Variants in NDUFA5 observed in about 807,000 individuals in gnomAD.
NDUFA5 encodes NADH dehydrogenase [ubiquinone] 1 alpha subcomplex subunit 5.
NDUFA5 carries 11 observed loss-of-function variants against 19.8 expected under a neutral mutation model. The observed-to-expected ratio is 0.56, with a 90% CI of 0.35 to 0.92. The LOEUF (loss-of-function observed/expected upper bound fraction) is 0.92, where lower values mean the gene tolerates loss of function less well. Among genes scored for constraint, NDUFA5 ranks in the 40% least tolerant of loss-of-function variants. The pLI is 0.01. For missense variants in NDUFA5, 109 were observed against 134.2 expected (o/e 0.81, Z 0.93); for synonymous variants, 47 against 46.8 (o/e 1.00, Z -0.01).
chr7:123,573,166 AAT>A, the NDUFA5 span, among the ~76,000 whole-genome samples: 1 of 152,058 alleles, frequency 6.6e-6, no homozygotes, highest in Non-Finnish European at 1.5e-5. Context: ...TTTATGTAAA[AAT>A]AGAGATTTTT....
chr7:123,537,719 G>A lies in NDUFA5; in HGVS notation c.*4400C>T, dbSNP rs1386306668. ...GAGTTATGAAAAAACTTTGTTTTCA[G>A]AGATTTTTGAAATTAGGAATTTAGA... On this transcript the variant is annotated 3_prime_UTR_variant, in exon 5 of 5. Transcript: ENST00000355749. 1 of 151,982 alleles carries A rather than the reference G, an allele frequency of 6.6e-6. No individual in the cohort carries two copies. The highest frequency in any genetic ancestry group is 6.6e-5 in the Admixed American group (1 of 15,260). 9.4% of individuals were successfully genotyped at this position (151,982 alleles called of 1,614,324 possible).
chr7:123,562,193 A>G (rs1798698270), upstream of NDUFA5, among the ~76,000 whole-genome samples: 1 of 152,008 alleles, frequency 6.6e-6, no homozygotes, highest in African/African-American at 2.4e-5. Context: ...TTTGAAAGAA[A>G]TCTTCTTTTT....
the NDUFA5 span, among the ~76,000 whole-genome samples, chr7:123,598,261 T>A: frequency 1.3e-5 from 2 of 152,148 alleles, no homozygotes; most frequent in Non-Finnish European, 2.9e-5. Flanking sequence ...TTCAAAGAAC[T>A]TTCATAATTA....
the NDUFA5 span, among the ~76,000 whole-genome samples, chr7:123,588,349 T>A: frequency 6.6e-6 from 1 of 151,716 alleles, no homozygotes; most frequent in African/African-American, 2.4e-5. Context: ...TAATCTTTTG[T>A]ATTTCTGTAT....
the NDUFA5 span, among the ~76,000 whole-genome samples, chr7:123,593,217 T>C: frequency 6.6e-6 from 1 of 152,136 alleles, no homozygotes; most frequent in African/African-American, 2.4e-5. Flanking sequence ...GGTCTTGACT[T>C]TTTATCCAAT....
At chr7:123,594,855 T>C in the NDUFA5 span, among the ~76,000 whole-genome samples, 1 of 152,208 alleles carries the variant, frequency 6.6e-6, no homozygotes, top group East Asian at 1.9e-4. Flanking sequence ...GCAGAAGCTG[T>C]CTGCTGCCTT....
At chr7:123,576,669 T>C in the NDUFA5 span, among the ~76,000 whole-genome samples, 1 of 152,158 alleles carries the variant, frequency 6.6e-6, no homozygotes, top group African/African-American at 2.4e-5. Context: ...ACCACCACCT[T>C]GCTCTCTTTA....
chr7:123,572,918 T>C, the NDUFA5 span, among the ~76,000 whole-genome samples: 1 of 152,094 alleles, frequency 6.6e-6, no homozygotes, highest in South Asian at 2.1e-4. Context: ...TTTTTTCTCT[T>C]TTTTGTCTTT....
intron 2 of NDUFA5, chr7:123,551,708 C>A (rs181177645): frequency 5.8e-6 from 1 of 173,342 alleles, no homozygotes; most frequent in Non-Finnish European, 1.1e-5. Context: ...AAGGCTCAAC[C>A]GAAAAAGTAG....
chr7:123,573,942 A>C, the NDUFA5 span, among the ~76,000 whole-genome samples: 2 of 152,144 alleles, frequency 1.3e-5, no homozygotes, highest in African/African-American at 4.8e-5. Context: ...AAAATTACAA[A>C]TTTACAATAT....
At chr7:123,573,321 G>T in the NDUFA5 span, among the ~76,000 whole-genome samples, 2 of 114,982 alleles carry the variant, frequency 1.7e-5, no homozygotes, top group Non-Finnish European at 1.8e-5. Flanking sequence ...CTTAGGGTTT[G>T]GAAATTTAGT....
the NDUFA5 span, among the ~76,000 whole-genome samples, chr7:123,573,856 T>C: frequency 3.3e-5 from 5 of 152,164 alleles, no homozygotes; most frequent in African/African-American, 1.2e-4. Flanking sequence ...ATGTTTATAT[T>C]ATTTTTAGCA....
intron 4 of NDUFA5, among the ~76,000 whole-genome samples, chr7:123,544,411 T>C (rs1798048876): frequency 6.6e-6 from 1 of 150,838 alleles, no homozygotes; most frequent in Non-Finnish European, 1.5e-5. Flanking sequence ...GGCAGGAGAA[T>C]TGCTTGAACC....
chr7:123,562,868 C>A (rs1271975575), upstream of NDUFA5, among the ~76,000 whole-genome samples: 1 of 149,882 alleles, frequency 6.7e-6, no homozygotes, highest in African/African-American at 2.5e-5. Context: ...CACGATCTCG[C>A]CTCACTGCAA....
the NDUFA5 span, among the ~76,000 whole-genome samples, chr7:123,573,655 T>G: frequency 6.6e-6 from 1 of 152,020 alleles, no homozygotes; most frequent in African/African-American, 2.4e-5. Context: ...GAGGAGGGAG[T>G]CTGATTCCAG....
intron 2 of NDUFA5, chr7:123,555,263 A>G (rs2116188823): frequency 6.6e-6 from 1 of 152,316 alleles, no homozygotes; most frequent in Non-Finnish European, 1.5e-5. Context: ...AGATTAGGAA[A>G]ATTAGCTTCA....
intron 4 of NDUFA5, among the ~76,000 whole-genome samples, chr7:123,545,050 A>T (rs935434946): frequency 1.3e-5 from 2 of 151,994 alleles, no homozygotes; most frequent in Non-Finnish European, 2.9e-5. Context: ...GTAATTAATA[A>T]TGTTAATAAT....
the NDUFA5 span, among the ~76,000 whole-genome samples, chr7:123,569,214 G>T: frequency 6.6e-6 from 1 of 152,096 alleles, no homozygotes; most frequent in Admixed American, 6.5e-5. Flanking sequence ...AGAGACAGAC[G>T]TAAATGGCAA....
the NDUFA5 span, among the ~76,000 whole-genome samples, chr7:123,571,409 A>G: frequency 6.6e-6 from 1 of 152,240 alleles, no homozygotes; most frequent in Non-Finnish European, 1.5e-5. Flanking sequence ...AATTTACTTC[A>G]AAATATTTGG....
Sources: allele counts gnomAD v4.1 joint callset (sites outside exome capture counted in the v4.1 genomes callset), GRCh38; gene constraint gnomAD v4.1.1; transcripts MANE v1.5; gene names NCBI Gene and HGNC (gene_info 2026-07-23, HGNC 2026-07-21).